Variants in ITGA11 observed in about 807,000 individuals in gnomAD.
ITGA11 encodes the protein integrin subunit alpha 11, also known as integrin alpha-11.
In ITGA11, 97 loss-of-function variants were observed where a neutral mutation model predicts 141.9. That is an observed-to-expected ratio of 0.68 (90% CI 0.58 to 0.81). The LOEUF is 0.81. Ranked by LOEUF, ITGA11 falls within the 30% of genes least tolerant of loss-of-function variation. The probability of loss-of-function intolerance (pLI) is 0.00; values close to 1 mark genes in which losing one functional copy is unlikely to be tolerated. For synonymous variants in ITGA11, 658 were observed against 624.6 expected, an observed-to-expected ratio of 1.05 and a Z score of -0.80; for missense variants, 1,387 against 1,559.2, an observed-to-expected ratio of 0.89 and a Z score of 1.86.
At chr15:68,397,932 A>C (rs1009307187) in intron 2 of ITGA11, among the ~76,000 whole-genome samples, 3 of 149,472 alleles carry the variant, frequency 2.0e-5, no homozygotes, top group Admixed American at 6.8e-5. Flanking sequence ...GAAATAAAAT[A>C]CTTTACAGAC....
In ITGA11 at chr15:68,300,466, C is replaced by T. The variant is rs1893001730; in HGVS notation, c.*2593G>A. 2 of 152,266 alleles carry T rather than the reference C, an allele frequency of 1.3e-5. No homozygotes were observed. Among genetic ancestry groups the T allele is most frequent in the South Asian group, 4.1e-4 (2 of 4,836 alleles). The allele number at this position is 152,266 out of a possible 1,614,324, so 9.4% of individuals were successfully genotyped here. A position where few individuals can be genotyped will look rare whatever the true frequency, so the allele number is the denominator to read the frequency against. On this transcript the variant is annotated 3_prime_UTR_variant, in exon 30 of 30. Transcript: ENST00000315757. ...CCTTGCAGTGGTCACTTTTAAAGCT[C>T]CCGTGGTTCAAAGGTGCAGCCAGGA...
chr15:68,397,868 A>T (rs1896361831), intron 2 of ITGA11, among the ~76,000 whole-genome samples: 1 of 147,240 alleles, frequency 6.8e-6, no homozygotes, highest in Non-Finnish European at 1.5e-5. Flanking sequence ...TAAAGAAAAG[A>T]ATCTTCAACC....
Position 68,333,712 on chromosome 15 carries a change from C to G in ITGA11, c.1426-1234G>C, listed in dbSNP as rs1894254608. 6.6e-6 allele frequency among the ~76,000 whole-genome samples: 1 copy of G among 152,216 alleles called. No homozygotes were observed. Among genetic ancestry groups the G allele is most frequent in the Non-Finnish European group, 1.5e-5 (1 of 68,038 alleles). On this transcript the variant is annotated intron_variant, in intron 12 of 29. Coordinates refer to ENST00000315757, the MANE Select transcript of ITGA11 (RefSeq NM_001004439.2). This position sits in a 1 kb window ranked among gnomAD's most constrained non-coding sequence, Gnocchi z 4.2. Reference sequence around the variant, plus strand: ...TCAGGCTGGCCCCTTCAGCCCACCCCCATGGCAGCTGGCGTGGCCTCTAAC... The same window carrying G: ...TCAGGCTGGCCCCTTCAGCCCACCCGCATGGCAGCTGGCGTGGCCTCTAAC...
At position 68,328,258 on chromosome 15, in the gene ITGA11, G is replaced by A. The variant is rs754208812; in HGVS notation, c.1906C>T (p.Arg636Cys). The A allele has an allele frequency of 4.4e-5, 71 of 1,612,814 alleles. No homozygotes were observed. The highest frequency in any genetic ancestry group is 6.0e-5 in the Non-Finnish European group (71 of 1,179,294). ...CTGGCATTGATCTGAACCACTGGGC[G>A]GGACCTGGAGGAGAAGGGCCAGTGA... Reference protein sequence around the residue: ...ALGNAVILWSRPVVQINASLH... With the variant: ...ALGNAVILWSCPVVQINASLH... The change falls in exon 16 of 30, where the codon CGC becomes TGC. Residue 636 changes from arginine to cysteine, a missense_variant. Coordinates refer to ENST00000315757, the MANE Select transcript of ITGA11 (RefSeq NM_001004439.2). The surrounding 1 kb of genome is among the most constrained non-coding windows in gnomAD (Gnocchi z 4.8).
At chr15:68,428,769 C>A (rs1181042598) in intron 1 of ITGA11, among the ~76,000 whole-genome samples, 1 of 152,132 alleles carries the variant, frequency 6.6e-6, no homozygotes, top group Non-Finnish European at 1.5e-5. Flanking sequence ...CCACAAGGGC[C>A]ATGTTGCATG....
intron 9 of ITGA11, among the ~76,000 whole-genome samples, chr15:68,349,187 C>T (rs1251128600): frequency 6.6e-6 from 1 of 152,232 alleles, no homozygotes; most frequent in Non-Finnish European, 1.5e-5. Context: ...TATTACAGGG[C>T]ATGTATACTA....
rs71455591 is a variant in ITGA11 at position 68,308,761 on chromosome 15, G to GAAAGA, written c.3175-1070_3175-1066dup. On this transcript the variant is annotated intron_variant, in intron 26 of 29. Coordinates refer to ENST00000315757, the MANE Select transcript of ITGA11 (RefSeq NM_001004439.2). The surrounding 1 kb of genome is among the most constrained non-coding windows in gnomAD (Gnocchi z 5.2). ...TGTCTCAAAAGAAAAGAAAAGAAAA[G>GAAAGA]AAAGAAAAGAAAAGAAAAGAAAAGG... 6.5e-5 allele frequency among the ~76,000 whole-genome samples: 9 copies of GAAAGA among 137,670 alleles called. No individual in the cohort carries two copies. Among genetic ancestry groups the GAAAGA allele is most frequent in the African/African-American group, 2.6e-4 (9 of 34,382 alleles). The allele number at this position is 137,670 out of a possible 152,430, so 90.3% of individuals were successfully genotyped here.
Position 68,335,907 on chromosome 15 carries a change from C to T in ITGA11, c.1277-62G>A, listed in dbSNP as rs891077789. On this transcript the variant is annotated intron_variant, in intron 11 of 29. Coordinates refer to ENST00000315757, the MANE Select transcript of ITGA11 (RefSeq NM_001004439.2). The surrounding 1 kb of genome is among the most constrained non-coding windows in gnomAD (Gnocchi z 4.9). ...TGTCCTCAGCAGGCGTTGCTTGGCCCGGTGCATGGCTTGGCAGTGCCAGAG... is the reference window on the plus strand; with the variant it reads ...TGTCCTCAGCAGGCGTTGCTTGGCCTGGTGCATGGCTTGGCAGTGCCAGAG... The T allele has an allele frequency of 3.3e-5, 51 of 1,558,722 alleles. No homozygotes were observed. The highest frequency in any genetic ancestry group is 2.2e-4 in the African/African-American group (16 of 73,892).
Position 68,414,491 on chromosome 15 carries a change from C to A in ITGA11, c.53-11462G>T, listed in dbSNP as rs76210119. Among the ~76,000 whole-genome samples the A allele has an allele frequency of 3.8e-3, 582 of 152,312 alleles. 7 individuals carry two copies. The East Asian group carries it at 0.042, about 11-fold the overall frequency. Reference sequence around the variant, plus strand: ...GACATCAGAAGACCTGGTTTCTCGACTGGCTATGTGACCTGAAACAAATAC... The same window carrying A: ...GACATCAGAAGACCTGGTTTCTCGAATGGCTATGTGACCTGAAACAAATAC... On this transcript the variant is annotated intron_variant, in intron 1 of 29. Coordinates refer to ENST00000315757, the MANE Select transcript of ITGA11 (RefSeq NM_001004439.2).
At position 68,324,143 on chromosome 15, in the gene ITGA11, G is replaced by A. The variant is rs1893895327; in HGVS notation, c.2322+988C>T. 6.6e-6 allele frequency among the ~76,000 whole-genome samples: 1 copy of A among 152,054 alleles called. No individual in the cohort carries two copies. The highest frequency in any genetic ancestry group is 1.9e-4 in the East Asian group (1 of 5,176). On this transcript the variant is annotated intron_variant, in intron 18 of 29. Coordinates refer to ENST00000315757, the MANE Select transcript of ITGA11 (RefSeq NM_001004439.2). This position sits in a 1 kb window ranked among gnomAD's most constrained non-coding sequence, Gnocchi z 6.3. ...GAGCTCAGACTTAGGAGAAAGAGGG[G>A]AGGTGTGAGGACGGAGGTTTGGCAG...
chr15:68,428,748 A>G (rs1435098345), intron 1 of ITGA11, among the ~76,000 whole-genome samples: 2 of 152,156 alleles, frequency 1.3e-5, no homozygotes, highest in Admixed American at 1.3e-4. Context: ...TCTGTTGGGT[A>G]GGACCCCTAC....
rs989552193 is a variant in ITGA11, at chr15:68,335,970, G to A, written c.1277-125C>T. The A allele has an allele frequency of 2.6e-6, 3 of 1,144,306 alleles. No individual in the cohort carries two copies. The highest frequency in any genetic ancestry group is 2.2e-5 in the Admixed American group (1 of 45,438). 70.9% of individuals were successfully genotyped at this position (1,144,306 alleles called of 1,614,324 possible). On this transcript the variant is annotated intron_variant, in intron 11 of 29. Transcript: ENST00000315757. This position sits in a 1 kb window ranked among gnomAD's most constrained non-coding sequence, Gnocchi z 4.9. ...ATGGGGTAGGTTCAGGGCTAGCTGAGCAGATTCAATCACGCAGGGCCATAA... is the reference window on the plus strand; with the variant it reads ...ATGGGGTAGGTTCAGGGCTAGCTGAACAGATTCAATCACGCAGGGCCATAA...
At chr15:68,310,102 TTAAG>T (rs1032244046) in intron 26 of ITGA11, among the ~76,000 whole-genome samples, 5 of 152,196 alleles carry the variant, frequency 3.3e-5, no homozygotes, top group African/African-American at 4.8e-5. Flanking sequence ...ATAAATTCCT[TTAAG>T]TAATCATGAT....
intron 1 of ITGA11, among the ~76,000 whole-genome samples, chr15:68,410,842 G>A (rs763080830): frequency 3.9e-5 from 6 of 152,246 alleles, no homozygotes; most frequent in Non-Finnish European, 8.8e-5. Flanking sequence ...GAAGCTTCTA[G>A]CTAGTTGAGG....
Position 68,331,031 on chromosome 15 carries a change from A to G in ITGA11, c.1851T>C (p.Asp617=), listed in dbSNP as rs1269124871. The change falls in exon 15 of 30, where the codon GAT becomes GAC. Residue 617 remains aspartate, a synonymous_variant. Coordinates refer to ENST00000315757, the MANE Select transcript of ITGA11 (RefSeq NM_001004439.2). ...CTCCCACTGCCAGGTCGATGAGCCCATCCTCATTGAGGTCCAATTGCCCGT... is the reference window on the plus strand; with the variant it reads ...CTCCCACTGCCAGGTCGATGAGCCCGTCCTCATTGAGGTCCAATTGCCCGT... ...SIHGQLDLNE[D]GLIDLAVGAL... 6 of 1,613,424 alleles carry G rather than the reference A, an allele frequency of 3.7e-6. No individual in the cohort carries two copies. Among genetic ancestry groups the G allele is most frequent in the Non-Finnish European group, 5.1e-6 (6 of 1,179,754 alleles).
intron 3 of ITGA11, among the ~76,000 whole-genome samples, chr15:68,367,608 C>T (rs2415004): frequency 1 from 152,150 of 152,256 alleles, 76,022 homozygotes; most frequent in Non-Finnish European, 1. Context: ...CTGCCTAAAA[C>T]TATCCTGCTT....
At chr15:68,327,839 G>A (rs3736491) in intron 16 of ITGA11, among the ~76,000 whole-genome samples, 14,777 of 152,052 alleles carry the variant, frequency 0.097, 1,702 homozygotes, top group African/African-American at 0.28. Flanking sequence ...CAAACTCTAC[G>A]CCCAGACTGT....
intron 3 of ITGA11, chr15:68,365,137 G>GCATCCCAC: frequency 3.0e-6 from 3 of 985,268 alleles, no homozygotes; most frequent in Non-Finnish European, 3.6e-6. Context: ...GCATGCCATG[G>GCATCCCAC]CATCCCACCT....
chr15:68,326,837 C>A lies in ITGA11; in HGVS notation c.2069-41G>T, dbSNP rs1465291891. The A allele has an allele frequency of 1.9e-6, 3 of 1,547,988 alleles. No homozygotes were observed. In the South Asian group the frequency reaches 3.7e-5, roughly 19 times the overall value. ...GGGCAAGACCACAAAGGTGGAGCCA[C>A]ATGCCCATCCAAGACTGTCTGCCTC... On this transcript the variant is annotated intron_variant, in intron 16 of 29. Transcript: ENST00000315757. This position sits in a 1 kb window ranked among gnomAD's most constrained non-coding sequence, Gnocchi z 6.8.
Sources: allele counts gnomAD v4.1 joint callset (sites outside exome capture counted in the v4.1 genomes callset), GRCh38; gene constraint gnomAD v4.1.1; non-coding constraint Gnocchi (gnomAD v3.1); transcripts MANE v1.5; gene names NCBI Gene and HGNC (gene_info 2026-07-23, HGNC 2026-07-21).